The following KCNQ3 variants were observed in gnomAD, a reference collection of about 807,000 sequenced individuals.
KCNQ3 encodes potassium voltage-gated channel subfamily KQT member 3.
KCNQ3 carries 30 observed loss-of-function variants against 92.5 expected under a neutral mutation model. The observed-to-expected ratio is 0.32, with a 90% CI of 0.24 to 0.44. The LOEUF is 0.44. Ranked by LOEUF, KCNQ3 falls within the 20% of genes least tolerant of loss-of-function variation. The probability of loss-of-function intolerance (pLI) is 1.00; values close to 1 mark genes in which losing one functional copy is unlikely to be tolerated. For missense variants in KCNQ3, 913 were observed against 1,140.3 expected, an observed-to-expected ratio of 0.80 and a Z score of 2.87; for synonymous variants, 450 against 468.8, an observed-to-expected ratio of 0.96 and a Z score of 0.52.
At chr8:132,430,840 A>G (rs894957103) in intron 1 of KCNQ3, among the ~76,000 whole-genome samples, 15 of 152,136 alleles carry the variant, frequency 9.9e-5, no homozygotes, top group African/African-American at 3.4e-4. Context: ...CTTCCTCAAC[A>G]CCTTCCAACA....
chr8:132,455,386 C>T (rs1821916501), intron 1 of KCNQ3, among the ~76,000 whole-genome samples: 1 of 152,190 alleles, frequency 6.6e-6, no homozygotes, highest in South Asian at 2.1e-4. Context: ...GGATTATAGG[C>T]GTAAGCCACT....
chr8:132,375,280 CAT>C (rs1341322082), intron 1 of KCNQ3, among the ~76,000 whole-genome samples: 5 of 151,984 alleles, frequency 3.3e-5, no homozygotes, highest in African/African-American at 1.2e-4. Context: ...GCATAAATAA[CAT>C]ATATTTATGA....
chr8:132,151,676 G>A (rs117376135), intron 9 of KCNQ3, among the ~76,000 whole-genome samples: 1,932 of 152,302 alleles, frequency 0.013, 106 homozygotes, highest in Admixed American at 0.09. Flanking sequence ...ATGGTAGTAT[G>A]TAATTCTATT....
intron 2 of KCNQ3, 123 bp from the exon 3 acceptor site, chr8:132,184,490 A>C: frequency 8.9e-6 from 6 of 671,710 alleles, no homozygotes; most frequent in Non-Finnish European, 1.2e-5. Flanking sequence ...TCTGGTTGGC[A>C]GGGATGGCTG....
chr8:132,189,888 C>CAA (rs776683880), intron 1 of KCNQ3, among the ~76,000 whole-genome samples: 2,038 of 64,018 alleles, frequency 0.032, 173 homozygotes, highest in African/African-American at 0.12. Context: ...TAAAAATGAC[C>CAA]AAAAAAAAAA....
In KCNQ3 at chr8:132,129,897, C is replaced by G; in HGVS notation, c.1984G>C (p.Gly662Arg). 6.2e-7 allele frequency: 1 copy of G among 1,613,964 alleles called. No homozygotes were observed. The highest frequency in any genetic ancestry group is 1.7e-5 in the Admixed American group (1 of 59,986). The change falls in exon 15 of 15, where the codon GGC (glycine) becomes CGC (arginine). Residue 662 changes from glycine to arginine, a missense_variant. Gly to Arg is a moderately radical substitution (Grantham distance 125, BLOSUM62 -2). Around this residue, in one of 6 missense-constraint regions of KCNQ3, gnomAD observed 375 missense variants for 376.4 expected, o/e 1.00. Coordinates refer to ENST00000388996, the MANE Select transcript of KCNQ3 (RefSeq NM_004519.4). The surrounding 1 kb of genome is among the most constrained non-coding windows in gnomAD (Gnocchi z 5.9). ...VQVTEYYPTKGTSSPAEAEKK... is the reference protein window; with the variant it reads ...VQVTEYYPTKRTSSPAEAEKK... ...TCTGCTTCAGCTGGCGAGGAGGTGC[C>G]CTTGGTTGGGTAATACTCCGTGACC...
chr8:132,426,633 C>A (rs1345969357), intron 1 of KCNQ3, among the ~76,000 whole-genome samples: 6 of 152,196 alleles, frequency 3.9e-5, no homozygotes, highest in African/African-American at 1.4e-4. Context: ...CCTTCCCTCA[C>A]CAATGGAATG....
chr8:132,288,276 G>A (rs948170460), intron 1 of KCNQ3, among the ~76,000 whole-genome samples: 6 of 152,166 alleles, frequency 3.9e-5, no homozygotes, highest in African/African-American at 1.4e-4. Context: ...CACTACATGA[G>A]AGGTCTTAAT....
chr8:132,192,196 AGGAGG>A (rs1827181054), intron 1 of KCNQ3, among the ~76,000 whole-genome samples: 1 of 152,206 alleles, frequency 6.6e-6, no homozygotes, highest in African/African-American at 2.4e-5. Context: ...ATCTTTGGCC[AGGAGG>A]GGGCAGCAGA....
chr8:132,432,902 T>C lies in KCNQ3; in HGVS notation c.386+47245A>G, dbSNP rs1268988278. 8.5e-5 allele frequency among the ~76,000 whole-genome samples: 13 copies of C among 152,222 alleles called. 1 individual carries two copies. Among genetic ancestry groups the C allele is most frequent in the Admixed American group, 8.5e-4 (13 of 15,288 alleles). ...TTTGGTGAACAAATGCCCCAGTTCA[T>C]GCTAAGAATAATTTGCCACCACTTG... On this transcript the variant is annotated intron_variant, in intron 1 of 14. Coordinates refer to ENST00000388996, the MANE Select transcript of KCNQ3 (RefSeq NM_004519.4).
At chr8:132,473,581 C>T (rs934335599) in intron 1 of KCNQ3, among the ~76,000 whole-genome samples, 11 of 152,140 alleles carry the variant, frequency 7.2e-5, no homozygotes, top group African/African-American at 2.2e-4. Context: ...AACTGATTAA[C>T]GTTAACAACA....
At chr8:132,178,314 C>T (rs1355225005) in intron 4 of KCNQ3, among the ~76,000 whole-genome samples, 1 of 152,142 alleles carries the variant, frequency 6.6e-6, no homozygotes, top group East Asian at 1.9e-4. Context: ...ATTCTGCAGC[C>T]AGAAGTAGCA....
At chr8:132,150,986 A>G (rs1217410624) in intron 9 of KCNQ3, among the ~76,000 whole-genome samples, 1 of 152,248 alleles carries the variant, frequency 6.6e-6, no homozygotes, top group Admixed American at 6.5e-5. Flanking sequence ...ATTGTTGGTT[A>G]TAAAAAATAA....
chr8:132,456,034 C>T (rs923769014), intron 1 of KCNQ3, among the ~76,000 whole-genome samples: 3 of 152,106 alleles, frequency 2.0e-5, no homozygotes, highest in African/African-American at 4.8e-5. Context: ...CATGAGCCAC[C>T]GTGCCCGGCC....
chr8:132,316,775 A>C (rs1817754775), intron 1 of KCNQ3, among the ~76,000 whole-genome samples: 1 of 152,226 alleles, frequency 6.6e-6, no homozygotes, highest in Non-Finnish European at 1.5e-5. Flanking sequence ...CACTGCTGTA[A>C]GCACTTCACA....
chr8:132,354,932 C>A (rs1453792649), intron 1 of KCNQ3, among the ~76,000 whole-genome samples: 2 of 152,152 alleles, frequency 1.3e-5, no homozygotes, highest in African/African-American at 4.8e-5. Context: ...TTCAACATCC[C>A]AGCAGCCTTC....
chr8:132,183,421 G>A (rs1826857684), intron 3 of KCNQ3, among the ~76,000 whole-genome samples: 1 of 152,136 alleles, frequency 6.6e-6, no homozygotes, highest in Non-Finnish European at 1.5e-5. Flanking sequence ...TGCTGCTGGG[G>A]ACTGGAGCAT....
At chr8:132,309,690 C>T (rs1361100798) in intron 1 of KCNQ3, among the ~76,000 whole-genome samples, 1 of 152,196 alleles carries the variant, frequency 6.6e-6, no homozygotes, top group Non-Finnish European at 1.5e-5. Context: ...AACTGCATGA[C>T]CAGGATTTCA....
intron 1 of KCNQ3, among the ~76,000 whole-genome samples, chr8:132,240,666 C>T (rs1183395378): frequency 6.6e-6 from 1 of 152,220 alleles, no homozygotes; most frequent in Non-Finnish European, 1.5e-5. Flanking sequence ...CTCGCACCAC[C>T]TCCCCATGAG....
Sources: gnomAD v4.1 joint callset for allele counts (sites outside exome capture counted in the v4.1 genomes callset) on GRCh38, gnomAD v4.1.1 for gene constraint, gnomAD v4.1.1 regional missense constraint, Gnocchi (gnomAD v3.1) non-coding constraint, MANE v1.5 for transcripts, NCBI Gene and HGNC (gene_info 2026-07-23, HGNC 2026-07-21) for gene names.